TSPAN18: variants seen among roughly 807,000 people sequenced by gnomAD.
TSPAN18 encodes the protein tetraspanin 18.
Under a neutral mutation model 27.3 loss-of-function variants are expected in TSPAN18, and 14 were observed. That is an observed-to-expected ratio of 0.51 (90% CI 0.34 to 0.80). The LOEUF (loss-of-function observed/expected upper bound fraction) is 0.80. TSPAN18 is among the 30% of genes least tolerant of loss of function. The probability of loss-of-function intolerance (pLI) is 0.01; values close to 1 mark genes in which losing one functional copy is unlikely to be tolerated. For synonymous variants in TSPAN18, 143 were observed against 136.5 expected, an observed-to-expected ratio of 1.05 and a Z score of -0.33; for missense variants, 268 against 323.9, an observed-to-expected ratio of 0.83 and a Z score of 1.32.
At chr11:44,920,169 CTCTG>C (rs1860073632) in intron 8 of TSPAN18, among the ~76,000 whole-genome samples, 170 bp downstream of exon 8, 1 of 152,194 alleles carries the variant, frequency 6.6e-6, no homozygotes, top group South Asian at 2.1e-4. Flanking sequence ...GATGGAGGCT[CTCTG>C]TCCAAGCCCC....
intron 2 of TSPAN18, among the ~76,000 whole-genome samples, chr11:44,764,888 G>A (rs751924048): frequency 6.6e-5 from 10 of 152,152 alleles, no homozygotes; most frequent in Non-Finnish European, 1.2e-4. Flanking sequence ...TCTTGGGACC[G>A]TGATAAGGAG....
intron 2 of TSPAN18, among the ~76,000 whole-genome samples, chr11:44,856,700 A>C (rs1857748047): frequency 6.6e-6 from 1 of 152,128 alleles, no homozygotes; most frequent in Non-Finnish European, 1.5e-5. Context: ...TTTCCAAATG[A>C]GTGAATGTTC....
chr11:44,861,393 T>C (rs1237684459), intron 3 of TSPAN18, among the ~76,000 whole-genome samples: 2 of 101,824 alleles, frequency 2.0e-5, no homozygotes, highest in Admixed American at 1.1e-4. Context: ...GTGCGGGGGT[T>C]GGTGGGGTGC....
chr11:44,919,905 A>C lies in TSPAN18; in HGVS notation c.521A>C (p.Glu174Ala). 6.2e-7 allele frequency: 1 copy of C among 1,614,214 alleles called. No homozygotes were observed. The highest frequency in any genetic ancestry group is 2.2e-5 in the East Asian group (1 of 44,878). ...LLTLDSEEVPEACCRREPQSR... is the reference protein window; with the variant it reads ...LLTLDSEEVPAACCRREPQSR... ...ACCCTGGATAGTGAAGAGGTGCCGG[A>C]GGCCTGCTGCCGGAGGGAACCCCAA... Residue 174 changes from glutamate (E) to alanine (A), a missense_variant, in exon 8 of 10, where the codon GAG (glutamate) becomes GCG (alanine). Glu to Ala is a moderately radical substitution (Grantham distance 107). Transcript: ENST00000520358.
chr11:44,807,778 A>G (rs900540618), intron 2 of TSPAN18, among the ~76,000 whole-genome samples: 2 of 152,184 alleles, frequency 1.3e-5, no homozygotes, highest in African/African-American at 2.4e-5. Context: ...GCCTTTGGAC[A>G]TCAGTTTCCT....
chr11:44,796,663 C>T (rs910020412), intron 2 of TSPAN18, among the ~76,000 whole-genome samples: 7 of 152,132 alleles, frequency 4.6e-5, no homozygotes, highest in African/African-American at 1.7e-4. Context: ...GAACTAATGA[C>T]CTGAGAAGGA....
intron 2 of TSPAN18, among the ~76,000 whole-genome samples, chr11:44,768,093 G>T (rs543921793): frequency 2.1e-4 from 32 of 152,240 alleles, no homozygotes; most frequent in Middle Eastern, 3.4e-3. Flanking sequence ...TGGGTGTTTT[G>T]CTTCTCCAAA....
At chr11:44,736,736 G>T (rs1854804509) in intron 1 of TSPAN18, 1 of 152,208 alleles carries the variant, frequency 6.6e-6, no homozygotes, top group Non-Finnish European at 1.5e-5. Context: ...GGAGGGTTAG[G>T]ACACATTCTG....
chr11:44,757,114 G>GTGGA (rs1384159874), intron 1 of TSPAN18, among the ~76,000 whole-genome samples: 1 of 152,170 alleles, frequency 6.6e-6, no homozygotes, highest in Non-Finnish European at 1.5e-5. Flanking sequence ...ATACCTAGAA[G>GTGGA]TGGAATTGCT....
intron 3 of TSPAN18, among the ~76,000 whole-genome samples, chr11:44,877,765 C>T (rs575951370): frequency 6.6e-6 from 1 of 152,162 alleles, no homozygotes; most frequent in Non-Finnish European, 1.5e-5. Context: ...ATTCCCAGGC[C>T]TCCTAATTAG....
At chr11:44,866,180 C>A (rs1220954108) in intron 3 of TSPAN18, among the ~76,000 whole-genome samples, 1 of 152,254 alleles carries the variant, frequency 6.6e-6, no homozygotes, top group Non-Finnish European at 1.5e-5. Context: ...GCATTAGGTT[C>A]CAGCAGGACT....
At chr11:44,851,067 G>A (rs1009635701) in intron 2 of TSPAN18, among the ~76,000 whole-genome samples, 6 of 152,212 alleles carry the variant, frequency 3.9e-5, no homozygotes, top group African/African-American at 1.2e-4. Context: ...CTTGGTCAGC[G>A]TTATTAACCT....
At chr11:44,861,979 A>G (rs547578348) in intron 3 of TSPAN18, among the ~76,000 whole-genome samples, 86 of 152,220 alleles carry the variant, frequency 5.6e-4, no homozygotes, top group African/African-American at 1.9e-3. Flanking sequence ...TGCCTTGAGT[A>G]GACCTCCACT....
intron 3 of TSPAN18, among the ~76,000 whole-genome samples, chr11:44,898,672 C>T (rs1565197863): frequency 6.6e-6 from 1 of 152,146 alleles, no homozygotes; most frequent in African/African-American, 2.4e-5. Flanking sequence ...CATCACATGG[C>T]GAGGGGGCTG....
At chr11:44,757,110 A>T (rs753637435) in intron 1 of TSPAN18, among the ~76,000 whole-genome samples, 15 of 152,198 alleles carry the variant, frequency 9.9e-5, no homozygotes, top group Non-Finnish European at 1.9e-4. Flanking sequence ...GTATATACCT[A>T]GAAGTGGAAT....
At chr11:44,728,841 C>T (rs1854582655) in intron 1 of TSPAN18, among the ~76,000 whole-genome samples, 2 of 152,226 alleles carry the variant, frequency 1.3e-5, no homozygotes, top group South Asian at 2.1e-4. Flanking sequence ...ACTATTGCCT[C>T]ATCTTTCTCT....
intron 2 of TSPAN18, among the ~76,000 whole-genome samples, chr11:44,809,856 C>T (rs1565159628): frequency 6.6e-6 from 1 of 152,186 alleles, no homozygotes; most frequent in Admixed American, 6.5e-5. Flanking sequence ...CATAGGTACT[C>T]AGTAAATGTT....
At position 44,919,277 on chromosome 11, in the gene TSPAN18, G is replaced by A. The variant is rs2291334; in HGVS notation, c.397G>A (p.Val133Ile). 585,756 of 1,613,394 alleles carry A rather than the reference G, an allele frequency of 0.36. 112,083 individuals are homozygous for A. Among genetic ancestry groups the A allele is most frequent in the East Asian group, 0.58 (25,843 of 44,846 alleles). ...CTACCAGGGCAATAACGACACAGAC[G>A]TCTTCTCTGCCACCTGGAACTCGGT... is the stretch of plus-strand genomic sequence containing the variant. ...KHYQGNNDTDVFSATWNSVMI... is the reference protein window; with the variant it reads ...KHYQGNNDTDIFSATWNSVMI... Residue 133 changes from valine to isoleucine, a missense_variant, in exon 7 of 10, where the codon GTC (valine) becomes ATC (isoleucine). Physicochemically the swap from Val to Ile is conservative, Grantham distance 29. Transcript: ENST00000520358.
intron 2 of TSPAN18, among the ~76,000 whole-genome samples, chr11:44,785,475 T>TC (rs1856033265): frequency 6.6e-6 from 1 of 152,060 alleles, no homozygotes; most frequent in African/African-American, 2.4e-5. Context: ...AGAGGTGTTT[T>TC]TCCCCCCTCG....
Sources: gnomAD v4.1 joint callset for allele counts (sites outside exome capture counted in the v4.1 genomes callset) on GRCh38, gnomAD v4.1.1 for gene constraint, MANE v1.5 for transcripts, NCBI Gene and HGNC (gene_info 2026-07-23, HGNC 2026-07-21) for gene names.